DIP2C: variants seen among roughly 807,000 people sequenced by gnomAD.
DIP2C encodes disco-interacting protein 2 homolog C.
DIP2C carries 33 observed loss-of-function variants against 192.4 expected under a neutral mutation model. The observed-to-expected ratio is 0.17, with a 90% CI of 0.13 to 0.23. DIP2C has a LOEUF of 0.23. Ranked by LOEUF, DIP2C falls within the 10% of genes least tolerant of loss-of-function variation. The pLI, the probability that DIP2C is intolerant of heterozygous loss-of-function variation, is 1.00. For synonymous variants in DIP2C, 979 were observed against 864.1 expected, an observed-to-expected ratio of 1.13 and a Z score of -2.33; for missense variants, 1,537 against 2,110.1, an observed-to-expected ratio of 0.73 and a Z score of 5.32.
rs185696147 is a variant in DIP2C, at chr10:475,331, T to C, written c.158-2782A>G. 1.9e-3 allele frequency among the ~76,000 whole-genome samples: 295 copies of C among 152,340 alleles called. 1 individual carries two copies. Among genetic ancestry groups the C allele is most frequent in the Middle Eastern group, 0.01 (3 of 294 alleles). On this transcript the variant is annotated intron_variant, in intron 2 of 36. Coordinates refer to ENST00000280886, the MANE Select transcript of DIP2C (RefSeq NM_014974.3). The stretch of plus-strand genomic sequence containing the variant: ...ACTTCTCTTGTGCTGTGGACTTATA[T>C]AGTCACTGACAGCACAGTTGGGAGA...
intron 1 of DIP2C, among the ~76,000 whole-genome samples, chr10:626,168 A>G (rs2131859056): frequency 6.6e-6 from 1 of 152,364 alleles, no homozygotes; most frequent in East Asian, 1.9e-4. Flanking sequence ...ATGACATGCT[A>G]GAGTCCAGGC....
chr10:422,936 G>A lies in DIP2C; in HGVS notation c.492C>T (p.Ile164=). The change falls in exon 5 of 37, where the codon ATC becomes ATT. Residue 164 remains isoleucine, a synonymous_variant. Coordinates refer to ENST00000280886, the MANE Select transcript of DIP2C (RefSeq NM_014974.3). ...TGGTGGAGCCGTGGATGGCCTGGCT[G>A]ATCCAGTGCTCCATATTGATGCTGC... ...SQGSINMEHW[I]SQAIHGSTTS... The A allele has an allele frequency of 6.2e-7, 1 of 1,614,158 alleles. No homozygotes were observed. Among genetic ancestry groups the A allele is most frequent in the South Asian group, 1.1e-5 (1 of 91,076 alleles).
chr10:650,123 C>T (rs990778783), intron 1 of DIP2C: 12 of 717,176 alleles, frequency 1.7e-5, no homozygotes, highest in Admixed American at 1.0e-4. Flanking sequence ...GGAGTCCTCC[C>T]GTTGGGACAA....
At chr10:366,028 G>T (rs1564620129) in intron 19 of DIP2C, among the ~76,000 whole-genome samples, 1 of 152,192 alleles carries the variant, frequency 6.6e-6, no homozygotes, top group African/African-American at 2.4e-5. Flanking sequence ...AGTGAGAAAA[G>T]TAACAAAAAG....
intron 2 of DIP2C, among the ~76,000 whole-genome samples, chr10:479,200 A>G (rs2133500190): frequency 6.6e-6 from 1 of 152,336 alleles, no homozygotes. Context: ...CAAACAGGAC[A>G]ACTGTTGTAA....
chr10:290,942 C>G (rs919505719), intron 32 of DIP2C, among the ~76,000 whole-genome samples: 1 of 152,220 alleles, frequency 6.6e-6, no homozygotes, highest in African/African-American at 2.4e-5. Context: ...TGACTTCAGA[C>G]AGGGTAAGGG....
chr10:506,593 T>G (rs1365794740), intron 1 of DIP2C, among the ~76,000 whole-genome samples: 1 of 152,172 alleles, frequency 6.6e-6, no homozygotes, highest in Non-Finnish European at 1.5e-5. Context: ...AGTACTCACA[T>G]GCAGAAGGCA....
intron 1 of DIP2C, among the ~76,000 whole-genome samples, chr10:544,424 G>A (rs1189962330): frequency 1.3e-5 from 2 of 152,210 alleles, no homozygotes; most frequent in South Asian, 2.1e-4. Context: ...TTGTAAAAAC[G>A]TTTTCAGTTT....
At chr10:558,591 C>T (rs931498850) in intron 1 of DIP2C, among the ~76,000 whole-genome samples, 4 of 151,902 alleles carry the variant, frequency 2.6e-5, no homozygotes, top group Non-Finnish European at 4.4e-5. Flanking sequence ...TGCGGGGGCC[C>T]ACCATCGCGT....
intron 3 of DIP2C, among the ~76,000 whole-genome samples, chr10:452,937 C>T (rs1486107078): frequency 6.6e-6 from 1 of 152,228 alleles, no homozygotes; most frequent in Middle Eastern, 3.4e-3. Flanking sequence ...AGTCTGAGGC[C>T]CCAGTGCGAG....
chr10:356,520 C>CG lies in DIP2C; in HGVS notation c.2905-15dup. ...GAGGAACAGGAACTGGAACAGAGCA[C>CG]GGGCATGAGGATCAGGCTGTGCGGT... On this transcript the variant is annotated splice_polypyrimidine_tract_variant and intron_variant, in intron 23 of 36. Coordinates refer to ENST00000280886, the MANE Select transcript of DIP2C (RefSeq NM_014974.3). 6.2e-7 allele frequency: 1 copy of CG among 1,607,138 alleles called. No individual in the cohort carries two copies. Among genetic ancestry groups the CG allele is most frequent in the Non-Finnish European group, 8.5e-7 (1 of 1,176,300 alleles).
intron 1 of DIP2C, among the ~76,000 whole-genome samples, chr10:606,004 A>G (rs1588579393): frequency 1.3e-5 from 2 of 151,536 alleles, no homozygotes; most frequent in South Asian, 4.2e-4. Flanking sequence ...CTCCTGTAAG[A>G]CTCTCTGCAG....
In DIP2C at chr10:624,018, C is replaced by T. The variant is rs185361331; in HGVS notation, c.85+65476G>A. On this transcript the variant is annotated intron_variant, in intron 1 of 36. Coordinates refer to ENST00000280886, the MANE Select transcript of DIP2C (RefSeq NM_014974.3). ...CAAGAGGTCAAAGATGAAGCCAACA[C>T]AGTTGGGCTCGAACCGCCACCCTGC... 2.2e-3 allele frequency among the ~76,000 whole-genome samples: 341 copies of T among 152,334 alleles called. 2 individuals are homozygous for T. Among genetic ancestry groups the T allele is most frequent in the African/African-American group, 7.6e-3 (315 of 41,568 alleles).
At chr10:445,747 T>A (rs1189866962) in intron 3 of DIP2C, among the ~76,000 whole-genome samples, 1 of 151,722 alleles carries the variant, frequency 6.6e-6, no homozygotes, top group Non-Finnish European at 1.5e-5. Flanking sequence ...ATACACCTGT[T>A]GTGAAGAGTC....
At chr10:482,071 G>T (rs1843654993) in intron 2 of DIP2C, among the ~76,000 whole-genome samples, 1 of 152,206 alleles carries the variant, frequency 6.6e-6, no homozygotes, top group Non-Finnish European at 1.5e-5. Context: ...CTGACTGAAG[G>T]ATCAGGGGAG....
intron 4 of DIP2C, among the ~76,000 whole-genome samples, chr10:423,540 C>T (rs61837188): frequency 0.042 from 6,394 of 152,072 alleles, 215 homozygotes; most frequent in African/African-American, 0.085. Flanking sequence ...TGTTAGACAC[C>T]CATGCAGCTG....
At chr10:529,024 C>T (rs1057020942) in intron 1 of DIP2C, among the ~76,000 whole-genome samples, 1 of 152,218 alleles carries the variant, frequency 6.6e-6, no homozygotes, top group African/African-American at 2.4e-5. Context: ...GAACCCCTCC[C>T]AGTGACCTGT....
chr10:630,521 G>A (rs776559647), intron 1 of DIP2C: 1 of 152,242 alleles, frequency 6.6e-6, no homozygotes, highest in Non-Finnish European at 1.5e-5. Context: ...GCTCTCAGCT[G>A]TCTTGAAATA....
chr10:465,478 G>A lies in DIP2C; in HGVS notation c.268+6961C>T, dbSNP rs1329041972. ...AAGCATTCCCTTTGAAAACTGGCACGACACAGGGATGCCCTCTCTCACCAC... is the reference window on the plus strand; with the variant it reads ...AAGCATTCCCTTTGAAAACTGGCACAACACAGGGATGCCCTCTCTCACCAC... On this transcript the variant is annotated intron_variant, in intron 3 of 36. Coordinates refer to ENST00000280886, the MANE Select transcript of DIP2C (RefSeq NM_014974.3). 8.5e-3 allele frequency among the ~76,000 whole-genome samples: 1,276 copies of A among 150,124 alleles called. 8 individuals carry two copies. Among genetic ancestry groups the A allele is most frequent in the South Asian group, 0.024 (115 of 4,794 alleles).
Sources: gnomAD v4.1 joint callset for allele counts (sites outside exome capture counted in the v4.1 genomes callset) on GRCh38, gnomAD v4.1.1 for gene constraint, MANE v1.5 for transcripts, NCBI Gene and HGNC (gene_info 2026-07-23, HGNC 2026-07-21) for gene names.